TFEC: variants seen among roughly 807,000 people sequenced by gnomAD.
TFEC encodes class E basic helix-loop-helix protein 34.
A neutral mutation model predicts 41.6 loss-of-function variants in TFEC; 31 were observed. The ratio of observed to expected loss-of-function variants is 0.74; its 90% CI spans 0.56 to 1.01. The LOEUF (loss-of-function observed/expected upper bound fraction) is 1.01, where lower values mean the gene tolerates loss of function less well. Among genes scored for constraint, TFEC ranks in the 50% least tolerant of loss-of-function variants. The pLI is 0.00. For missense variants in TFEC, 402 were observed against 404.1 expected, an observed-to-expected ratio of 0.99 and a Z score of 0.04; for synonymous variants, 143 against 140.6, an observed-to-expected ratio of 1.02 and a Z score of -0.12.
At chr7:116,094,754 T>C (rs899803224) in intron 3 of TFEC, among the ~76,000 whole-genome samples, 5 of 152,132 alleles carry the variant, frequency 3.3e-5, no homozygotes, top group African/African-American at 1.2e-4. Context: ...TGAGATATAG[T>C]AGTCTTACAG....
intron 3 of TFEC, among the ~76,000 whole-genome samples, chr7:116,038,385 A>G (rs10261015): frequency 0.099 from 15,039 of 151,980 alleles, 818 homozygotes; most frequent in African/African-American, 0.13. Context: ...TATTTTTAGA[A>G]AACATTCTAA....
Position 115,949,352 on chromosome 7 carries a change from T to A in TFEC, c.515+1522A>T, listed in dbSNP as rs1326387612. ...TTCACAGAATTGGAAAAAACTACTT[T>A]AAAGTTCATATGGAACCAAAAAAGA... On this transcript the variant is annotated intron_variant, in intron 6 of 7. Coordinates refer to ENST00000265440, the MANE Select transcript of TFEC (RefSeq NM_012252.4). Among the ~76,000 whole-genome samples the A allele has an allele frequency of 2.0e-5, 3 of 151,938 alleles. No homozygotes were observed. The South Asian group carries it at 6.2e-4, about 32-fold the overall frequency.
intron 1 of TFEC, among the ~76,000 whole-genome samples, chr7:116,007,080 G>A (rs1417563827): frequency 2.0e-5 from 3 of 152,168 alleles, no homozygotes; most frequent in South Asian, 2.1e-4. Context: ...CATGAGAACG[G>A]GCCAATACAA....
At chr7:115,995,665 A>T (rs1051907655) in intron 1 of TFEC, among the ~76,000 whole-genome samples, 1 of 152,192 alleles carries the variant, frequency 6.6e-6, no homozygotes, top group African/African-American at 2.4e-5. Context: ...TTTTAACTTC[A>T]TATCACTGAG....
At chr7:115,970,428 G>A (rs980302053) in intron 3 of TFEC, among the ~76,000 whole-genome samples, 2 of 151,904 alleles carry the variant, frequency 1.3e-5, no homozygotes, top group African/African-American at 2.4e-5. Flanking sequence ...GAAGGAAGTC[G>A]AGGCAGGGAG....
At chr7:115,997,258 G>A (rs1028153942) in intron 1 of TFEC, among the ~76,000 whole-genome samples, 11 of 152,132 alleles carry the variant, frequency 7.2e-5, no homozygotes, top group Non-Finnish European at 1.3e-4. Context: ...CCATTTGATT[G>A]AGAGAAGGTA....
At chr7:116,029,786 A>G (rs1323933976) in intron 1 of TFEC, among the ~76,000 whole-genome samples, 2 of 152,046 alleles carry the variant, frequency 1.3e-5, no homozygotes, top group Non-Finnish European at 2.9e-5. Context: ...GATTATTACA[A>G]TTGAAAACTA....
rs188636632 is a variant in TFEC at position 115,961,835 on chromosome 7, C to T, written c.268-5042G>A. ...AGAATAACCAGGCAAGAAAAAGTAA[C>T]AAAAGCTATCCATATTGGAAAGGAA... is the stretch of plus-strand genomic sequence containing the variant. On this transcript the variant is annotated intron_variant, in intron 3 of 7. Coordinates refer to ENST00000265440, the MANE Select transcript of TFEC (RefSeq NM_012252.4). Among the ~76,000 whole-genome samples the T allele has an allele frequency of 4.6e-4, 70 of 151,728 alleles. No homozygotes were observed. The East Asian group carries it at 0.013, about 28-fold the overall frequency.
chr7:115,966,090 C>T (rs913333892), intron 3 of TFEC, among the ~76,000 whole-genome samples: 2 of 151,688 alleles, frequency 1.3e-5, no homozygotes, highest in African/African-American at 4.8e-5. Flanking sequence ...CTGCTTTCTC[C>T]CAGTCAAAAA....
intron 3 of TFEC, among the ~76,000 whole-genome samples, chr7:116,104,394 T>C (rs1276553605): frequency 2.6e-5 from 4 of 152,154 alleles, no homozygotes; most frequent in Non-Finnish European, 4.4e-5. Flanking sequence ...ATGGGCATTA[T>C]ATGACTTCTC....
At chr7:116,109,452 A>G (rs1416397196) in intron 3 of TFEC, among the ~76,000 whole-genome samples, 2 of 152,248 alleles carry the variant, frequency 1.3e-5, no homozygotes, top group Admixed American at 1.3e-4. Flanking sequence ...ACATCTATGC[A>G]GTCAACAGAC....
intron 1 of TFEC, among the ~76,000 whole-genome samples, chr7:116,149,504 A>T (rs1214413083): frequency 6.6e-6 from 1 of 152,184 alleles, no homozygotes; most frequent in Non-Finnish European, 1.5e-5. Context: ...CTATAATTTT[A>T]TAAGGAGAAT....
At chr7:115,991,634 T>C (rs962387105) in intron 1 of TFEC, among the ~76,000 whole-genome samples, 1 of 152,140 alleles carries the variant, frequency 6.6e-6, no homozygotes, top group African/African-American at 2.4e-5. Context: ...AAGAAGGCCA[T>C]TACATAATGG....
intron 1 of TFEC, among the ~76,000 whole-genome samples, chr7:116,124,178 A>G (rs1798164637): frequency 6.6e-6 from 1 of 152,198 alleles, no homozygotes. Flanking sequence ...AACATATTCC[A>G]AAACATATAG....
intron 1 of TFEC, among the ~76,000 whole-genome samples, chr7:116,141,971 T>C (rs760766260): frequency 3.9e-5 from 6 of 152,186 alleles, no homozygotes; most frequent in Non-Finnish European, 5.9e-5. Flanking sequence ...TCAGATATTA[T>C]TATGGTCTGG....
intron 1 of TFEC, among the ~76,000 whole-genome samples, chr7:116,119,394 T>G (rs569526868): frequency 1.7e-4 from 26 of 151,966 alleles, no homozygotes; most frequent in African/African-American, 5.8e-4. Context: ...TTTTAAAATA[T>G]GCATTTATTA....
At chr7:116,048,952 A>G (rs1382740050) in intron 3 of TFEC, among the ~76,000 whole-genome samples, 2 of 152,186 alleles carry the variant, frequency 1.3e-5, no homozygotes, top group Non-Finnish European at 2.9e-5. Flanking sequence ...GTCACCACCA[A>G]GCCTGCCTTA....
At chr7:116,037,050 G>A (rs1272651369) in intron 3 of TFEC, among the ~76,000 whole-genome samples, 1 of 152,006 alleles carries the variant, frequency 6.6e-6, no homozygotes, top group Non-Finnish European at 1.5e-5. Context: ...TCAGAAAGTC[G>A]TTCTGCAAGT....
At chr7:116,036,779 T>A (rs1245681365) in intron 3 of TFEC, among the ~76,000 whole-genome samples, 1 of 152,026 alleles carries the variant, frequency 6.6e-6, no homozygotes, top group Non-Finnish European at 1.5e-5. Context: ...TTTAATGGGA[T>A]AATATATAAA....
Sources: gnomAD v4.1 joint callset for allele counts (sites outside exome capture counted in the v4.1 genomes callset) on GRCh38, gnomAD v4.1.1 for gene constraint, MANE v1.5 for transcripts, NCBI Gene and HGNC (gene_info 2026-07-23, HGNC 2026-07-21) for gene names.